The following CADPS2 variants were observed in gnomAD, a reference collection of about 807,000 sequenced individuals.
The protein encoded by CADPS2 is calcium dependent secretion activator 2.
A neutral mutation model predicts 172.5 loss-of-function variants in CADPS2; 93 were observed. The observed-to-expected ratio is 0.54, with a 90% confidence interval of 0.46 to 0.64. The LOEUF (loss-of-function observed/expected upper bound fraction) is 0.64, where lower values mean the gene tolerates loss of function less well. Among genes scored for constraint, CADPS2 ranks in the 30% least tolerant of loss-of-function variants. The pLI is 0.00. For synonymous variants in CADPS2, 546 were observed against 555.2 expected (o/e 0.98, Z 0.23); for missense variants, 1,420 against 1,565.9 (o/e 0.91, Z 1.57).
chr7:122,454,456 G>A (rs902218204), intron 14 of CADPS2, among the ~76,000 whole-genome samples: 4 of 151,968 alleles, frequency 2.6e-5, no homozygotes, highest in Non-Finnish European at 4.4e-5. Context: ...AAATAATAAC[G>A]AGCAATAGAA....
At chr7:122,582,955 C>T (rs1303826332) in intron 6 of CADPS2, among the ~76,000 whole-genome samples, 1 of 151,858 alleles carries the variant, frequency 6.6e-6, no homozygotes, top group East Asian at 1.9e-4. Flanking sequence ...ATTTTTAATT[C>T]CCAAACCTCC....
At chr7:122,861,684 T>C (rs576696046) in intron 1 of CADPS2, among the ~76,000 whole-genome samples, 1 of 152,372 alleles carries the variant, frequency 6.6e-6, no homozygotes, top group East Asian at 1.9e-4. Flanking sequence ...TTTAATTTTC[T>C]CACCACAAAG....
At chr7:122,584,360 C>T (rs1335654309) in intron 6 of CADPS2, among the ~76,000 whole-genome samples, 4 of 151,872 alleles carry the variant, frequency 2.6e-5, no homozygotes, top group Admixed American at 2.6e-4. Flanking sequence ...TTATTTATTT[C>T]ATCTAAGTTT....
intron 7 of CADPS2, among the ~76,000 whole-genome samples, chr7:122,571,576 C>T (rs2067261009): frequency 6.6e-6 from 1 of 152,090 alleles, no homozygotes; most frequent in Admixed American, 6.6e-5. Flanking sequence ...CTTTCAAAGT[C>T]AGGCATGGAA....
intron 28 of CADPS2, among the ~76,000 whole-genome samples, chr7:122,339,748 G>A (rs964368711): frequency 3.6e-4 from 55 of 152,156 alleles, no homozygotes; most frequent in Non-Finnish European, 6.0e-4. Flanking sequence ...CCAGCCAGGT[G>A]TAGTGCTGCA....
intron 1 of CADPS2, among the ~76,000 whole-genome samples, chr7:122,748,923 A>G (rs1162812226): frequency 6.6e-6 from 1 of 152,120 alleles, no homozygotes; most frequent in Non-Finnish European, 1.5e-5. Flanking sequence ...GTACAAAAGT[A>G]AGAGAATTCC....
At chr7:122,470,576 C>T (rs1240237046) in intron 14 of CADPS2, among the ~76,000 whole-genome samples, 4 of 152,106 alleles carry the variant, frequency 2.6e-5, no homozygotes, top group East Asian at 1.9e-4. Flanking sequence ...CTCACTGCAA[C>T]CTCTGCCTCC....
chr7:122,634,870 T>C (rs73218248), intron 3 of CADPS2, among the ~76,000 whole-genome samples: 8,330 of 152,204 alleles, frequency 0.055, 328 homozygotes, highest in Non-Finnish European at 0.082. Context: ...TCCTTAATTT[T>C]AAGGAAGTTT....
At chr7:122,878,860 A>C (rs953383911) in intron 1 of CADPS2, among the ~76,000 whole-genome samples, 3 of 152,152 alleles carry the variant, frequency 2.0e-5, no homozygotes, top group African/African-American at 7.2e-5. Context: ...AATTCACATA[A>C]TAGGGACTCA....
At chr7:122,629,198 T>C in intron 4 of CADPS2, 50 bp downstream of exon 4, 1 of 1,410,040 alleles carries the variant, frequency 7.1e-7, no homozygotes, top group Non-Finnish European at 9.7e-7. Context: ...CTCACAGAAA[T>C]CTAGGTAAAG....
intron 1 of CADPS2, among the ~76,000 whole-genome samples, chr7:122,817,790 ATC>A (rs1260268369): frequency 6.6e-6 from 1 of 151,678 alleles, no homozygotes; most frequent in African/African-American, 2.4e-5. Context: ...CCAACCTCGT[ATC>A]TCTGCGCCCC....
chr7:122,661,123 A>G (rs13239569), intron 3 of CADPS2, among the ~76,000 whole-genome samples: 7,766 of 152,290 alleles, frequency 0.051, 257 homozygotes, highest in African/African-American at 0.058. Flanking sequence ...CTACATCACG[A>G]TAAAGGAGTC....
chr7:122,773,371 G>A (rs1005823714), intron 1 of CADPS2, among the ~76,000 whole-genome samples: 2 of 151,856 alleles, frequency 1.3e-5, no homozygotes, highest in African/African-American at 2.4e-5. Context: ...AATAATATCC[G>A]TGTTCATTTA....
intron 27 of CADPS2, among the ~76,000 whole-genome samples, chr7:122,351,874 T>C (rs888955800): frequency 6.6e-6 from 1 of 152,238 alleles, no homozygotes; most frequent in African/African-American, 2.4e-5. Flanking sequence ...TATACATTTA[T>C]AGGTCTAGAA....
chr7:122,719,026 GAAGT>G (rs2090039887), intron 2 of CADPS2, among the ~76,000 whole-genome samples: 1 of 151,988 alleles, frequency 6.6e-6, no homozygotes, highest in Non-Finnish European at 1.5e-5. Flanking sequence ...CAATTTTGAG[GAAGT>G]GAGTAAAGGA....
At chr7:122,516,277 G>A (rs2060368416) in intron 8 of CADPS2, among the ~76,000 whole-genome samples, 1 of 152,182 alleles carries the variant, frequency 6.6e-6, no homozygotes, top group African/African-American at 2.4e-5. Context: ...GCTCATGCCT[G>A]TAGTCCCAGA....
At chr7:122,883,267 G>A (rs1426582831) in intron 1 of CADPS2, among the ~76,000 whole-genome samples, 1 of 152,124 alleles carries the variant, frequency 6.6e-6, no homozygotes, top group Non-Finnish European at 1.5e-5. Context: ...TTTGACTAAA[G>A]AGAAACCTGA....
intron 2 of CADPS2, among the ~76,000 whole-genome samples, chr7:122,723,892 G>C (rs1173019063): frequency 6.6e-6 from 1 of 151,982 alleles, no homozygotes; most frequent in Non-Finnish European, 1.5e-5. Context: ...CATGGATGAA[G>C]CTGGAAACCA....
chr7:122,606,958 C>G (rs2073645871), intron 6 of CADPS2, among the ~76,000 whole-genome samples: 2 of 152,054 alleles, frequency 1.3e-5, no homozygotes, highest in Non-Finnish European at 2.9e-5. Flanking sequence ...AGTGGGAGAA[C>G]TGCTAAGAAT....
Sources: gnomAD v4.1 joint callset for allele counts (sites outside exome capture counted in the v4.1 genomes callset) on GRCh38, gnomAD v4.1.1 for gene constraint, MANE v1.5 for transcripts, NCBI Gene and HGNC (gene_info 2026-07-23, HGNC 2026-07-21) for gene names.